SETDB2: variants seen among roughly 807,000 people sequenced by gnomAD.
The protein encoded by SETDB2 is histone-lysine N-methyltransferase SETDB2.
SETDB2 carries 56 observed loss-of-function variants against 82.5 expected under a neutral mutation model. The ratio of observed to expected loss-of-function variants is 0.68; its 90% CI spans 0.55 to 0.85. SETDB2 has a LOEUF of 0.85. Among genes scored for constraint, SETDB2 ranks in the 40% least tolerant of loss-of-function variants. The pLI is 0.00. For synonymous variants in SETDB2, 272 were observed against 284.9 expected (o/e 0.95, Z 0.46); for missense variants, 677 against 816.4 (o/e 0.83, Z 2.08).
chr13:49,485,040 T>C (rs574789195), intron 10 of SETDB2, among the ~76,000 whole-genome samples: 18 of 152,392 alleles, frequency 1.2e-4, no homozygotes, highest in Non-Finnish European at 2.4e-4. Flanking sequence ...AGCATCCAAC[T>C]AAGTGCTCAA....
In SETDB2 at chr13:49,476,620, A is replaced by G; in HGVS notation, c.450A>G (p.Glu150=). The change falls in exon 6 of 14, where the codon GAA becomes GAG. Residue 150 remains glutamate, a synonymous_variant. Coordinates refer to ENST00000611815, the MANE Select transcript of SETDB2 (RefSeq NM_001160308.3). ...AAATGCCACTGAACTTGAAGGGAGA[A>G]AACCCTCTGCAGCTGCCAATCAAAT... ...LMKMPLNLKG[E]NPLQLPIKCH... The G allele has an allele frequency of 6.2e-7, 1 of 1,614,184 alleles. No individual in the cohort carries two copies. Among genetic ancestry groups the G allele is most frequent in the Non-Finnish European group, 8.5e-7 (1 of 1,180,026 alleles).
chr13:49,444,373 AC>A lies in SETDB2; in HGVS notation c.-824del, dbSNP rs140994250. On this transcript the variant is annotated 5_prime_UTR_variant, in exon 1 of 14. It removes the in-frame stop codon of an upstream open reading frame in the 5' UTR. Transcript: ENST00000611815. ...GTGAAGTACTTCCCGGCCAGAGGGC[AC>A]CTGCGCTCGGGAGGTTTGGGCGGCT... is the stretch of plus-strand genomic sequence containing the variant. 5.8e-3 allele frequency: 1,191 copies of A among 206,988 alleles called. 17 individuals carry two copies. Among genetic ancestry groups the A allele is most frequent in the African/African-American group, 0.026 (1,106 of 42,292 alleles). 12.8% of individuals were successfully genotyped at this position (206,988 alleles called of 1,614,324 possible).
intron 1 of SETDB2, among the ~76,000 whole-genome samples, chr13:49,449,779 C>A (rs950917979): frequency 2.6e-5 from 4 of 152,136 alleles, no homozygotes; most frequent in African/African-American, 9.7e-5. Flanking sequence ...ATTTTTCTTT[C>A]ATTTGTTATT....
intron 5 of SETDB2, among the ~76,000 whole-genome samples, chr13:49,471,930 A>ATTT (rs1424270883): frequency 1.4e-5 from 1 of 73,114 alleles, no homozygotes; most frequent in Admixed American, 1.5e-4. Flanking sequence ...ATATATATAT[A>ATTT]TATATTTTTT....
intron 8 of SETDB2, among the ~76,000 whole-genome samples, chr13:49,481,557 A>G (rs978042384): frequency 2.0e-5 from 3 of 152,370 alleles, no homozygotes; most frequent in African/African-American, 7.2e-5. Flanking sequence ...TCTGCATGTT[A>G]TAATTCAGTC....
At chr13:49,475,863 T>C (rs1474995061) in intron 5 of SETDB2, among the ~76,000 whole-genome samples, 2 of 152,050 alleles carry the variant, frequency 1.3e-5, no homozygotes, top group South Asian at 2.1e-4. Flanking sequence ...TGTATCAATA[T>C]GATTGTGAGG....
intron 2 of SETDB2, among the ~76,000 whole-genome samples, chr13:49,459,317 G>A (rs1035571798): frequency 2.0e-5 from 3 of 152,078 alleles, no homozygotes; most frequent in Admixed American, 2.0e-4. Context: ...TAAGCCATCT[G>A]GACTGTCTAC....
chr13:49,452,542 A>G (rs947334992), intron 2 of SETDB2, among the ~76,000 whole-genome samples: 1 of 152,168 alleles, frequency 6.6e-6, no homozygotes, highest in Non-Finnish European at 1.5e-5. Context: ...CATTTGTTAC[A>G]ATTAATGAAC....
At chr13:49,473,724 G>A (rs1958296474) in intron 5 of SETDB2, among the ~76,000 whole-genome samples, 1 of 152,064 alleles carries the variant, frequency 6.6e-6, no homozygotes, top group Non-Finnish European at 1.5e-5. Context: ...ACTTGAGAGT[G>A]AGTAACCTAT....
In SETDB2 at chr13:49,444,673, G is replaced by A. The variant is rs1458920298; in HGVS notation, c.-526G>A. 6.7e-6 allele frequency: 1 copy of A among 149,792 alleles called. No homozygotes were observed. The highest frequency in any genetic ancestry group is 2.0e-4 in the East Asian group (1 of 4,992). The allele number at this position is 149,792 out of a possible 1,614,324, so 9.3% of individuals were successfully genotyped here. ...CCCAAGTGCAGTCCTGGCTGCAGAA[G>A]GGGCCGCGGGCGCACTGAGTTTCCA... On this transcript the variant is annotated 5_prime_UTR_variant, in exon 1 of 14. Transcript: ENST00000611815.
At chr13:49,483,094 A>G (rs1958511028) in intron 9 of SETDB2, 132 bp downstream of exon 9, 2 of 633,004 alleles carry the variant, frequency 3.2e-6, no homozygotes, top group East Asian at 5.6e-5. Context: ...TAAGTCTAAC[A>G]CTTTGAGAAA....
At chr13:49,488,669 G>T (rs780160452) in intron 12 of SETDB2, 39 bp downstream of exon 12, 84 of 1,484,794 alleles carry the variant, frequency 5.7e-5, no homozygotes, top group Non-Finnish European at 7.4e-5. Context: ...CTGAACAACT[G>T]TTTTTTTCTA....
intron 5 of SETDB2, among the ~76,000 whole-genome samples, chr13:49,474,679 T>C (rs936674494): frequency 1.3e-5 from 2 of 152,262 alleles, no homozygotes; most frequent in Admixed American, 1.3e-4. Flanking sequence ...CTACATGTTA[T>C]GGAAAATTGT....
At chr13:49,461,210 T>G (rs752686658) in intron 4 of SETDB2, 48 bp downstream of exon 4, 16 of 1,361,416 alleles carry the variant, frequency 1.2e-5, no homozygotes, top group Admixed American at 1.9e-5. Flanking sequence ...GATATTTTCT[T>G]GCCATGAAGC....
At chr13:49,465,734 A>G (rs1197323101) in intron 4 of SETDB2, among the ~76,000 whole-genome samples, 1 of 152,088 alleles carries the variant, frequency 6.6e-6, no homozygotes, top group Non-Finnish European at 1.5e-5. Flanking sequence ...ACAGGGTTTC[A>G]CTATGTTGGC....
chr13:49,468,570 A>G (rs998462953), intron 5 of SETDB2, among the ~76,000 whole-genome samples: 3 of 132,050 alleles, frequency 2.3e-5, no homozygotes, highest in Admixed American at 7.8e-5. Flanking sequence ...AGTAGAGAAC[A>G]TAGTTTCAAA....
chr13:49,472,365 C>G (rs1335442175), intron 5 of SETDB2, among the ~76,000 whole-genome samples: 1 of 152,148 alleles, frequency 6.6e-6, no homozygotes, highest in East Asian at 1.9e-4. Flanking sequence ...CTAAGCCATG[C>G]TCCACTTTGA....
intron 5 of SETDB2, 30 bp from the exon 6 acceptor site, chr13:49,476,446 G>A (rs1359322118): frequency 7.3e-7 from 1 of 1,375,984 alleles, no homozygotes. Context: ...CTATAAATTT[G>A]AGATACTAAT....
chr13:49,462,572 A>C (rs1354687220), intron 4 of SETDB2, among the ~76,000 whole-genome samples: 1 of 152,188 alleles, frequency 6.6e-6, no homozygotes, highest in Non-Finnish European at 1.5e-5. Context: ...AAAAAGAAAA[A>C]CTGAGAAGTT....
Sources: gnomAD v4.1 joint callset for allele counts (sites outside exome capture counted in the v4.1 genomes callset) on GRCh38, gnomAD v4.1.1 for gene constraint, MANE v1.5 for transcripts, NCBI Gene and HGNC (gene_info 2026-07-23, HGNC 2026-07-21) for gene names.